Variants in TBC1D31 observed in about 807,000 individuals in gnomAD.
TBC1D31 encodes the protein TBC1 domain family member 31, also known as WD repeat domain 67.
In TBC1D31, 99 loss-of-function variants were observed where a neutral mutation model predicts 132.9. The ratio of observed to expected loss-of-function variants is 0.74; its 90% CI spans 0.63 to 0.88. TBC1D31 has a LOEUF of 0.88. Among genes scored for constraint, TBC1D31 ranks in the 40% least tolerant of loss-of-function variants. The pLI, the probability that TBC1D31 is intolerant of heterozygous loss-of-function variation, is 0.00. For synonymous variants in TBC1D31, 385 were observed against 419.4 expected (o/e 0.92, Z 1.00); for missense variants, 1,134 against 1,256.6 (o/e 0.90, Z 1.48).
intron 4 of TBC1D31, among the ~76,000 whole-genome samples, chr8:123,089,700 C>T (rs780468958): frequency 1.8e-4 from 27 of 152,138 alleles, no homozygotes; most frequent in Non-Finnish European, 3.2e-4. Flanking sequence ...AGAGTGAGCT[C>T]CTGTCTCAAA....
intron 11 of TBC1D31, among the ~76,000 whole-genome samples, chr8:123,122,195 T>C (rs1306553667): frequency 6.6e-6 from 1 of 152,178 alleles, no homozygotes; most frequent in Non-Finnish European, 1.5e-5. Flanking sequence ...CCTGGGTATA[T>C]ACCCAAAAGA....
chr8:123,140,433 A>T (rs1211231933), intron 17 of TBC1D31, among the ~76,000 whole-genome samples: 1 of 152,212 alleles, frequency 6.6e-6, no homozygotes, highest in African/African-American at 2.4e-5. Context: ...GAAATGTCAG[A>T]GAGCTAGCTG....
intron 1 of TBC1D31, among the ~76,000 whole-genome samples, chr8:123,075,802 T>C (rs1180611829): frequency 6.6e-6 from 1 of 152,220 alleles, no homozygotes; most frequent in South Asian, 2.1e-4. Flanking sequence ...ATGGGATTAT[T>C]CTGATCTTTG....
chr8:123,100,813 G>A lies in TBC1D31; in HGVS notation c.838G>A (p.Gly280Arg). ...SFDAGSNQVLGVLSQDGIMRF... is the reference protein window; with the variant it reads ...SFDAGSNQVLRVLSQDGIMRF... ...TATATTTTTTCTCTCTTAGGTTCTT[G>A]GAGTACTAAGTCAAGATGGTATTAT... The change falls in exon 7 of 22, where the codon GGA becomes AGA. Residue 280 changes from glycine to arginine, a missense_variant. Physicochemically the swap from Gly to Arg is moderately radical, Grantham distance 125. Coordinates refer to ENST00000287380, the MANE Select transcript of TBC1D31 (RefSeq NM_145647.4). The A allele has an allele frequency of 6.2e-7, 1 of 1,611,162 alleles. No homozygotes were observed. The highest frequency in any genetic ancestry group is 8.5e-7 in the Non-Finnish European group (1 of 1,177,598).
intron 11 of TBC1D31, among the ~76,000 whole-genome samples, chr8:123,122,256 C>T (rs1563727825): frequency 6.6e-6 from 1 of 152,172 alleles, no homozygotes; most frequent in Non-Finnish European, 1.5e-5. Context: ...TTCATAGCAT[C>T]ATTATTCCCA....
chr8:123,084,249 C>A lies in TBC1D31; in HGVS notation c.428C>A (p.Thr143Lys). 6.2e-7 allele frequency: 1 copy of A among 1,614,124 alleles called. No homozygotes were observed. Among genetic ancestry groups the A allele is most frequent in the Non-Finnish European group, 8.5e-7 (1 of 1,179,988 alleles). ...CATGCATCAGGGAAATATGCCATCA[C>A]AACTTCTTCTGATACAGCACAATTA... Reference protein sequence around the residue: ...SVHASGKYAITTSSDTAQLWD... With the variant: ...SVHASGKYAIKTSSDTAQLWD... The change falls in exon 4 of 22, where the codon ACA (threonine) becomes AAA (lysine). Residue 143 changes from threonine to lysine, a missense_variant. Coordinates refer to ENST00000287380, the MANE Select transcript of TBC1D31 (RefSeq NM_145647.4).
At chr8:123,129,043 C>A in intron 14 of TBC1D31, 23 bp from the exon 15 acceptor site, 1 of 1,495,390 alleles carries the variant, frequency 6.7e-7, no homozygotes, top group Non-Finnish European at 9.0e-7. Flanking sequence ...TTTGTGTTTT[C>A]ATAATAATAT....
chr8:123,145,362 A>G (rs1249645862), intron 20 of TBC1D31, among the ~76,000 whole-genome samples: 1 of 152,198 alleles, frequency 6.6e-6, no homozygotes, highest in Non-Finnish European at 1.5e-5. Flanking sequence ...GTCCCAGTCG[A>G]GGAAAAAGTT....
intron 1 of TBC1D31, among the ~76,000 whole-genome samples, chr8:123,076,841 AATT>A (rs1814573644): frequency 6.6e-6 from 1 of 152,142 alleles, no homozygotes; most frequent in African/African-American, 2.4e-5. Context: ...GGACCATATC[AATT>A]ATTCTTAGCA....
At chr8:123,083,089 A>G (rs1188781429) in intron 3 of TBC1D31, 1 of 291,862 alleles carries the variant, frequency 3.4e-6, no homozygotes, top group Non-Finnish European at 6.4e-6. Context: ...GTTTTAATAT[A>G]ACAAAAGGAT....
intron 4 of TBC1D31, among the ~76,000 whole-genome samples, chr8:123,091,058 A>G (rs1003175207): frequency 5.9e-5 from 9 of 152,200 alleles, no homozygotes; most frequent in African/African-American, 2.2e-4. Context: ...GTGTTCTACA[A>G]GGAAAAACTA....
the TBC1D31 span, among the ~76,000 whole-genome samples, chr8:123,158,639 C>T: frequency 6.6e-6 from 1 of 152,042 alleles, no homozygotes. Context: ...TTGTTAATCA[C>T]CTAGAATTTG....
chr8:123,098,400 C>G (rs572902575), intron 6 of TBC1D31, among the ~76,000 whole-genome samples: 11 of 152,276 alleles, frequency 7.2e-5, no homozygotes, highest in African/African-American at 2.6e-4. Flanking sequence ...CTCCCAGGCT[C>G]AAGTGATTCT....
At chr8:123,084,673 G>A (rs537291275) in intron 4 of TBC1D31, among the ~76,000 whole-genome samples, 5 of 152,182 alleles carry the variant, frequency 3.3e-5, no homozygotes, top group South Asian at 2.1e-4. Flanking sequence ...TTTTGAACAC[G>A]TGTACATTCA....
intron 18 of TBC1D31, 67 bp from the exon 19 acceptor site, chr8:123,142,195 T>C: frequency 8.3e-7 from 1 of 1,200,358 alleles, no homozygotes; most frequent in Non-Finnish European, 1.1e-6. Flanking sequence ...ATACATTGAA[T>C]GGTTATACCT....
chr8:123,108,476 A>G (rs1818149528), intron 8 of TBC1D31, among the ~76,000 whole-genome samples: 1 of 152,324 alleles, frequency 6.6e-6, no homozygotes, highest in East Asian at 1.9e-4. Flanking sequence ...CTTTAATGCT[A>G]GGAATTGCCT....
In TBC1D31 at chr8:123,097,364, A is replaced by G. The variant is rs200087751; in HGVS notation, c.754A>G (p.Ile252Val). 2.7e-5 allele frequency: 44 copies of G among 1,614,180 alleles called. No homozygotes were observed. The highest frequency in any genetic ancestry group is 3.2e-5 in the Non-Finnish European group (38 of 1,180,030). ...CLEARQLFRI[I>V]QMPTKVRAIR... ...GGAAGCTAGGCAGCTCTTTAGAATT[A>G]TCCAGATGCCCACTAAAGTTCGAGC... is the stretch of plus-strand genomic sequence containing the variant. The change falls in exon 6 of 22, where the codon ATC becomes GTC. Residue 252 changes from isoleucine to valine, a missense_variant. Transcript: ENST00000287380.
intron 7 of TBC1D31, chr8:123,103,170 G>A (rs368410568): frequency 2.0e-4 from 30 of 152,268 alleles, no homozygotes; most frequent in African/African-American, 7.0e-4. Context: ...ACTGCAAATA[G>A]TGAGAATTAA....
intron 8 of TBC1D31, among the ~76,000 whole-genome samples, chr8:123,107,116 A>T (rs1563706659): frequency 6.6e-6 from 1 of 152,216 alleles, no homozygotes; most frequent in Non-Finnish European, 1.5e-5. Context: ...CATTAAGCAT[A>T]AACCACATTG....
Sources: allele counts gnomAD v4.1 joint callset (sites outside exome capture counted in the v4.1 genomes callset), GRCh38; gene constraint gnomAD v4.1.1; transcripts MANE v1.5; gene names NCBI Gene and HGNC (gene_info 2026-07-23, HGNC 2026-07-21).